Variants in CBLB observed in about 807,000 individuals in gnomAD.
The protein encoded by CBLB is Cbl proto-oncogene B.
CBLB carries 31 observed loss-of-function variants against 104.9 expected under a neutral mutation model. That is an observed-to-expected ratio of 0.30 (90% CI 0.22 to 0.40). The LOEUF (loss-of-function observed/expected upper bound fraction) is 0.40. CBLB is among the 10% of genes least tolerant of loss of function. The pLI, the probability that CBLB is intolerant of heterozygous loss-of-function variation, is 1.00. For synonymous variants in CBLB, 440 were observed against 422.6 expected, an observed-to-expected ratio of 1.04 and a Z score of -0.51; for missense variants, 1,062 against 1,214.6, an observed-to-expected ratio of 0.87 and a Z score of 1.87.
chr3:105,744,338 T>C (rs998411507), intron 6 of CBLB, among the ~76,000 whole-genome samples: 1 of 152,168 alleles, frequency 6.6e-6, no homozygotes, highest in Non-Finnish European at 1.5e-5. Context: ...ATACTTTATA[T>C]GATGTCATTC....
intron 4 of CBLB, among the ~76,000 whole-genome samples, chr3:105,775,237 G>A (rs557340054): frequency 3.9e-5 from 6 of 152,040 alleles, no homozygotes; most frequent in Non-Finnish European, 8.8e-5. Context: ...TTAGTACAAT[G>A]TGGGAAATAG....
chr3:105,744,222 T>C (rs2075892627), intron 6 of CBLB, among the ~76,000 whole-genome samples: 2 of 152,146 alleles, frequency 1.3e-5, no homozygotes, highest in Non-Finnish European at 2.9e-5. Context: ...ATTATTTCTA[T>C]GATTGGACAA....
chr3:105,787,989 A>G (rs1488532200), intron 3 of CBLB, among the ~76,000 whole-genome samples: 1 of 152,198 alleles, frequency 6.6e-6, no homozygotes, highest in African/African-American at 2.4e-5. Context: ...AAATTGTAGT[A>G]GAATGGAATA....
intron 3 of CBLB, among the ~76,000 whole-genome samples, chr3:105,789,911 C>T (rs908842890): frequency 2.0e-5 from 3 of 152,026 alleles, no homozygotes; most frequent in East Asian, 1.9e-4. Flanking sequence ...GTAATTCTTT[C>T]GGCATCCAGC....
At chr3:105,863,835 T>C (rs1350189662) in intron 2 of CBLB, among the ~76,000 whole-genome samples, 1 of 152,186 alleles carries the variant, frequency 6.6e-6, no homozygotes, top group East Asian at 1.9e-4. Context: ...AGGCAGGTAC[T>C]CAGAGTGCTT....
At chr3:105,702,046 A>C (rs1198731071) in intron 12 of CBLB, 48 bp downstream of exon 12, 9 of 1,604,916 alleles carry the variant, frequency 5.6e-6, no homozygotes, top group Non-Finnish European at 7.7e-6. Flanking sequence ...TGACCATCAG[A>C]AGCATTTATA....
In CBLB at chr3:105,793,625, GA is replaced by G. The variant is rs113949580; in HGVS notation, c.420-17084del. Among the ~76,000 whole-genome samples, 16 of 150,612 alleles carry G rather than the reference GA, an allele frequency of 1.1e-4. No individual in the cohort carries two copies. The South Asian group carries it at 1.5e-3, about 14-fold the overall frequency. On this transcript the variant is annotated intron_variant, in intron 3 of 18. Transcript: ENST00000394030. ...AGAAGAACAAGGAAAAGAATCTCAG[GA>G]AAAAAAAAGTATCCATTTAAATGAA... is the stretch of plus-strand genomic sequence containing the variant.
At chr3:105,784,847 T>C (rs997895685) in intron 3 of CBLB, among the ~76,000 whole-genome samples, 14 of 152,204 alleles carry the variant, frequency 9.2e-5, no homozygotes, top group Non-Finnish European at 4.4e-5. Context: ...CCACCATTTC[T>C]CACACTACTT....
chr3:105,794,039 A>C (rs2081983517), intron 3 of CBLB, among the ~76,000 whole-genome samples: 1 of 152,210 alleles, frequency 6.6e-6, no homozygotes, highest in South Asian at 2.1e-4. Context: ...AATTATTAAA[A>C]TATACCCATG....
chr3:105,713,261 G>C (rs1365004449), intron 10 of CBLB, among the ~76,000 whole-genome samples: 1 of 151,838 alleles, frequency 6.6e-6, no homozygotes, highest in Non-Finnish European at 1.5e-5. Flanking sequence ...GAGTGGGAGG[G>C]GGTGTTAAAT....
intron 8 of CBLB, among the ~76,000 whole-genome samples, chr3:105,736,044 T>C (rs1470819722): frequency 2.0e-5 from 3 of 152,176 alleles, no homozygotes; most frequent in Non-Finnish European, 4.4e-5. Context: ...GTAAAGACCA[T>C]GGGAAAGGAA....
intron 3 of CBLB, among the ~76,000 whole-genome samples, chr3:105,846,668 T>C (rs1306180533): frequency 6.6e-6 from 1 of 152,052 alleles, no homozygotes; most frequent in Non-Finnish European, 1.5e-5. Flanking sequence ...GGAGAAGAAA[T>C]GGCATCAGAG....
intron 9 of CBLB, among the ~76,000 whole-genome samples, chr3:105,728,011 G>A (rs2073878418): frequency 6.6e-6 from 1 of 152,132 alleles, no homozygotes; most frequent in African/African-American, 2.4e-5. Context: ...GCTTAGGATT[G>A]TCTTGGTTAT....
intron 3 of CBLB, among the ~76,000 whole-genome samples, chr3:105,809,091 T>C (rs2120105): frequency 0.56 from 84,393 of 152,038 alleles, 24,640 homozygotes; most frequent in Middle Eastern, 0.72. Context: ...AGTGAATGTA[T>C]AGAAAGATAT....
intron 3 of CBLB, among the ~76,000 whole-genome samples, chr3:105,829,910 TTTTAA>T (rs1428318902): frequency 1.2e-4 from 18 of 152,254 alleles, no homozygotes; most frequent in African/African-American, 4.1e-4. Flanking sequence ...CTTCAAATAG[TTTTAA>T]TTTAAGGGGA....
intron 10 of CBLB, among the ~76,000 whole-genome samples, chr3:105,719,127 C>T (rs1445404959): frequency 6.6e-6 from 1 of 152,140 alleles, no homozygotes; most frequent in East Asian, 1.9e-4. Flanking sequence ...CTCTTAGAAG[C>T]CAAACAGTGA....
At position 105,656,238 on chromosome 3, in the gene CBLB, A is replaced by T. The variant is rs2063335125; in HGVS notation, c.*2732T>A. ...GAAGGGTTGATATTGGCCACATATC[A>T]GTAAGTTAATTTGTCTTAATTTTAT... On this transcript the variant is annotated 3_prime_UTR_variant, in exon 19 of 19. Transcript: ENST00000394030. 1 of 214,534 alleles carries T rather than the reference A, an allele frequency of 4.7e-6. No homozygotes were observed. The highest frequency in any genetic ancestry group is 9.4e-6 in the Non-Finnish European group (1 of 106,202). The allele number at this position is 214,534 out of a possible 1,614,324, so 13.3% of individuals were successfully genotyped here.
intron 18 of CBLB, 49 bp downstream of exon 18, chr3:105,670,184 G>A (rs761472793): frequency 1.3e-6 from 2 of 1,550,904 alleles, no homozygotes; most frequent in Admixed American, 1.7e-5. Context: ...AAAGCAAAAA[G>A]CACTATATAA....
chr3:105,659,001 G>A lies in CBLB; in HGVS notation c.2918C>T (p.Pro973Leu), dbSNP rs1411423174. The A allele has an allele frequency of 1.2e-6, 2 of 1,613,958 alleles. No individual in the cohort carries two copies. The highest frequency in any genetic ancestry group is 1.7e-6 in the Non-Finnish European group (2 of 1,179,906). ...ATTTAGACGTGGGGATACTGGAGGAGGGAAGGCAAATTCTCGGAGGATGCT... is the reference window on the plus strand; with the variant it reads ...ATTTAGACGTGGGGATACTGGAGGAAGGAAGGCAAATTCTCGGAGGATGCT... ...ARSILREFAF[P>L]PPVSPRLNL The change falls in exon 19 of 19, where the codon CCT (proline) becomes CTT (leucine). Residue 973 changes from proline (P) to leucine (L), a missense_variant. Physicochemically the swap from Pro to Leu is moderately conservative, Grantham distance 98 (BLOSUM62 -3). Transcript: ENST00000394030.
Sources: gnomAD v4.1 joint callset for allele counts (sites outside exome capture counted in the v4.1 genomes callset) on GRCh38, gnomAD v4.1.1 for gene constraint, MANE v1.5 for transcripts, NCBI Gene and HGNC (gene_info 2026-07-23, HGNC 2026-07-21) for gene names.